MOXD1: variants seen among roughly 807,000 people sequenced by gnomAD.
MOXD1 encodes the protein DBH-like monooxygenase protein 1.
Under a neutral mutation model 66.6 loss-of-function variants are expected in MOXD1, and 62 were observed. That is an observed-to-expected ratio of 0.93 (90% confidence interval 0.76 to 1.15). The LOEUF is 1.15. MOXD1 is among the 50% of genes most tolerant of loss of function. MOXD1 has a pLI of 0.00. For missense variants in MOXD1, 847 were observed against 754.6 expected (o/e 1.12, Z -1.44); for synonymous variants, 303 against 281.9 (o/e 1.07, Z -0.75).
intron 4 of MOXD1, among the ~76,000 whole-genome samples, chr6:132,334,490 T>G (rs1471532717): frequency 6.6e-6 from 1 of 152,200 alleles, no homozygotes; most frequent in Non-Finnish European, 1.5e-5. Context: ...TGTCATCTGC[T>G]CCTTCTCATC....
chr6:132,308,472 A>T (rs1157332453), intron 10 of MOXD1, among the ~76,000 whole-genome samples: 1 of 152,238 alleles, frequency 6.6e-6, no homozygotes, highest in African/African-American at 2.4e-5. Flanking sequence ...TCCTTCTGAA[A>T]CTATTCCAAA....
rs1423492216 is a variant in MOXD1 at position 132,297,903 on chromosome 6, T to C, written c.1561A>G (p.Met521Val). ...CATTTAAACTTATTCATAGCATCCA[T>C]GAAAGAAAGGTTTTTATATTGCTTG... ...SPKQYKNLSFMDAMNKFKWTK... is the reference protein window; with the variant it reads ...SPKQYKNLSFVDAMNKFKWTK... Residue 521 changes from methionine (M) to valine (V), a missense_variant, in exon 11 of 12, where the codon ATG becomes GTG. Transcript: ENST00000367963. 3 of 1,613,034 alleles carry C rather than the reference T, an allele frequency of 1.9e-6. No homozygotes were observed. Among genetic ancestry groups the C allele is most frequent in the Admixed American group, 3.3e-5 (2 of 59,784 alleles).
At chr6:132,387,751 TAAAAAA>T (rs56728324) in intron 1 of MOXD1, among the ~76,000 whole-genome samples, 1 of 69,516 alleles carries the variant, frequency 1.4e-5, no homozygotes, top group Non-Finnish European at 3.0e-5. Context: ...AAACTCCATC[TAAAAAA>T]AAAAAAAAAA....
rs190649835 is a variant in MOXD1 at position 132,310,185 on chromosome 6, A to G, written c.1508+5450T>C. On this transcript the variant is annotated intron_variant, in intron 10 of 11. Transcript: ENST00000367963. ...AAAACAATCCCATTAAAAAGTCAGC[A>G]AAGGATATGAACAGACACTTCTCAA... is the stretch of plus-strand genomic sequence containing the variant. Among the ~76,000 whole-genome samples the G allele has an allele frequency of 6.4e-4, 97 of 152,306 alleles. 1 individual carries two copies. Among genetic ancestry groups the G allele is most frequent in the African/African-American group, 2.0e-3 (84 of 41,572 alleles).
chr6:132,322,901 G>C, intron 7 of MOXD1, 31 bp from the exon 8 acceptor site: 1 of 1,565,336 alleles, frequency 6.4e-7, no homozygotes, highest in Non-Finnish European at 8.7e-7. Context: ...GACCCGATTA[G>C]CCCACATTAA....
rs1773399299 is a variant in MOXD1, at chr6:132,401,470, G to C, written c.-44C>G. 7.0e-7 allele frequency: 1 copy of C among 1,435,930 alleles called. No homozygotes were observed. 88.9% of individuals were successfully genotyped at this position (1,435,930 alleles called of 1,614,324 possible). ...CGCCGGTACCGGCCTCCAGCCGCTG[G>C]GGAGTGAGGAGCAGAACGAGGAGCG... On this transcript the variant is annotated 5_prime_UTR_variant, in exon 1 of 12. Transcript: ENST00000367963.
Position 132,401,284 on chromosome 6 carries a change from A to G in MOXD1, c.143T>C (p.Ile48Thr). 1 of 1,598,556 alleles carries G rather than the reference A, an allele frequency of 6.3e-7. No individual in the cohort carries two copies. The highest frequency in any genetic ancestry group is 8.5e-7 in the Non-Finnish European group (1 of 1,177,650). ...WLGWSQRGSQ[I>T]AFRLQVRTAG... The stretch of plus-strand genomic sequence containing the variant: ...AGTGCGCACCTGGAGGCGGAAGGCG[A>G]TCTGGCTGCCCCGCTGGCTCCAGCC... Residue 48 changes from isoleucine to threonine, a missense_variant, in exon 1 of 12, where the codon ATC becomes ACC. Physicochemically the swap from Ile to Thr is moderately conservative, Grantham distance 89. Coordinates refer to ENST00000367963, the MANE Select transcript of MOXD1 (RefSeq NM_015529.4).
chr6:132,361,608 G>T (rs1246150207), intron 4 of MOXD1, among the ~76,000 whole-genome samples: 1 of 151,936 alleles, frequency 6.6e-6, no homozygotes, highest in East Asian at 1.9e-4. Context: ...TCAAACAGAG[G>T]GTTTATATCA....
intron 4 of MOXD1, among the ~76,000 whole-genome samples, chr6:132,355,487 G>A (rs971502072): frequency 2.6e-5 from 4 of 152,178 alleles, no homozygotes; most frequent in Admixed American, 6.5e-5. Context: ...GAGCAATGGC[G>A]TGCTAATCCC....
chr6:132,303,301 T>C (rs1409773044), intron 10 of MOXD1, among the ~76,000 whole-genome samples: 1 of 152,006 alleles, frequency 6.6e-6, no homozygotes, highest in Non-Finnish European at 1.5e-5. Context: ...TTCTTACAAC[T>C]CAGTAATAAG....
chr6:132,362,559 G>C (rs1006061287), intron 4 of MOXD1, among the ~76,000 whole-genome samples: 13 of 152,102 alleles, frequency 8.5e-5, no homozygotes, highest in Non-Finnish European at 1.6e-4. Context: ...TCGTGTTTTA[G>C]AGCACTTTAG....
At chr6:132,357,286 A>G (rs1035616508) in intron 4 of MOXD1, among the ~76,000 whole-genome samples, 12 of 152,224 alleles carry the variant, frequency 7.9e-5, no homozygotes, top group African/African-American at 2.9e-4. Context: ...GGAAAATTCT[A>G]TTTGCTATAT....
At chr6:132,340,392 C>G (rs1345685863) in intron 4 of MOXD1, among the ~76,000 whole-genome samples, 2 of 151,530 alleles carry the variant, frequency 1.3e-5, no homozygotes, top group Non-Finnish European at 2.9e-5. Context: ...TGGATTAACC[C>G]ATTTCTTGTT....
At chr6:132,380,763 C>A (rs1191307546) in intron 1 of MOXD1, among the ~76,000 whole-genome samples, 2 of 152,098 alleles carry the variant, frequency 1.3e-5, no homozygotes, top group Non-Finnish European at 2.9e-5. Context: ...ATTATTTTCC[C>A]ATTTGCTCTT....
chr6:132,360,671 T>C (rs1325538006), intron 4 of MOXD1, among the ~76,000 whole-genome samples: 1 of 152,192 alleles, frequency 6.6e-6, no homozygotes, highest in Non-Finnish European at 1.5e-5. Flanking sequence ...CTTTGGGGGC[T>C]CTCTAATATT....
At chr6:132,343,765 TAA>T (rs1775612323) in intron 4 of MOXD1, among the ~76,000 whole-genome samples, 1 of 152,140 alleles carries the variant, frequency 6.6e-6, no homozygotes, top group African/African-American at 2.4e-5. Flanking sequence ...AGAAAGAATA[TAA>T]TAGCATAAAA....
intron 4 of MOXD1, among the ~76,000 whole-genome samples, chr6:132,342,071 C>T (rs527992664): frequency 8.6e-5 from 13 of 151,440 alleles, no homozygotes; most frequent in African/African-American, 1.5e-4. Flanking sequence ...GGTGTGATCT[C>T]GGCTCACTGC....
chr6:132,392,357 T>A, intron 1 of MOXD1: 1 of 1,535,508 alleles, frequency 6.5e-7, no homozygotes, highest in Non-Finnish European at 8.8e-7. Context: ...TATACCCCCA[T>A]AAGAAGGGTG....
intron 1 of MOXD1, among the ~76,000 whole-genome samples, chr6:132,385,403 AT>A (rs1159186950): frequency 6.6e-6 from 1 of 151,468 alleles, no homozygotes; most frequent in African/African-American, 2.4e-5. Context: ...TCTTTTAATT[AT>A]TTTTTCAGAT....
Sources: gnomAD v4.1 joint callset for allele counts (sites outside exome capture counted in the v4.1 genomes callset) on GRCh38, gnomAD v4.1.1 for gene constraint, MANE v1.5 for transcripts, NCBI Gene and HGNC (gene_info 2026-07-23, HGNC 2026-07-21) for gene names.